Variants in GMDS observed in about 807,000 individuals in gnomAD.
GMDS encodes GDP-mannose 4,6-dehydratase.
GMDS carries 20 observed loss-of-function variants against 49.9 expected under a neutral mutation model. The observed-to-expected ratio is 0.40, with a 90% CI of 0.28 to 0.58. The LOEUF (loss-of-function observed/expected upper bound fraction) is 0.58. Among genes scored for constraint, GMDS ranks in the 20% least tolerant of loss-of-function variants. The probability of loss-of-function intolerance (pLI) is 0.42; values close to 1 mark genes in which losing one functional copy is unlikely to be tolerated. For synonymous variants in GMDS, 177 were observed against 178.6 expected (o/e 0.99, Z 0.07); for missense variants, 362 against 481.4 (o/e 0.75, Z 2.32).
chr6:1,845,302 T>C (rs1003038004), intron 7 of GMDS, among the ~76,000 whole-genome samples: 4 of 152,336 alleles, frequency 2.6e-5, no homozygotes, highest in Non-Finnish European at 5.9e-5. Context: ...TCATAGTTTA[T>C]TATCCCATAT....
chr6:1,956,775 A>G (rs1397414872), intron 6 of GMDS, among the ~76,000 whole-genome samples: 1 of 152,184 alleles, frequency 6.6e-6, no homozygotes. Context: ...CTGTTTATTA[A>G]TGTATATCAG....
chr6:1,679,365 G>A (rs1393197693), intron 9 of GMDS: 1 of 152,214 alleles, frequency 6.6e-6, no homozygotes, highest in Admixed American at 6.5e-5. Flanking sequence ...CCAGGACAAT[G>A]ACTATATTTA....
intron 7 of GMDS, among the ~76,000 whole-genome samples, chr6:1,876,015 C>CAAA (rs112121475): frequency 2.3e-5 from 3 of 129,260 alleles, no homozygotes; most frequent in Non-Finnish European, 3.2e-5. Flanking sequence ...AGCACTATCT[C>CAAA]AAAAAAAAAA....
intron 9 of GMDS, among the ~76,000 whole-genome samples, chr6:1,694,896 A>G (rs1765286803): frequency 6.6e-6 from 1 of 152,216 alleles, no homozygotes; most frequent in Middle Eastern, 3.2e-3. Context: ...TAAGACCCAG[A>G]GCCAACCCTG....
intron 9 of GMDS, 191 bp from the exon 10 acceptor site, chr6:1,624,731 G>T: frequency 1.9e-6 from 1 of 522,414 alleles, no homozygotes; most frequent in South Asian, 2.0e-5. Context: ...TCGCGGTTAA[G>T]AATGTGCTGT....
At chr6:1,970,442 T>C (rs573424097) in intron 4 of GMDS, among the ~76,000 whole-genome samples, 2 of 152,122 alleles carry the variant, frequency 1.3e-5, no homozygotes, top group African/African-American at 4.8e-5. Context: ...CAGAGCTGGA[T>C]AGGAGTCAGG....
chr6:2,227,078 G>GT (rs1232304362), intron 1 of GMDS, among the ~76,000 whole-genome samples: 1 of 151,830 alleles, frequency 6.6e-6, no homozygotes, highest in African/African-American at 2.4e-5. Context: ...TGCGGGTGTT[G>GT]TTTTTTTTCC....
Position 2,064,774 on chromosome 6 carries a change from T to C in GMDS, c.345+50997A>G, listed in dbSNP as rs144167500. Among the ~76,000 whole-genome samples, 616 of 152,244 alleles carry C rather than the reference T, an allele frequency of 4.0e-3. 8 individuals carry two copies. Among genetic ancestry groups the C allele is most frequent in the African/African-American group, 0.014 (585 of 41,526 alleles). On this transcript the variant is annotated intron_variant, in intron 4 of 10. Transcript: ENST00000380815. Reference sequence around the variant, plus strand: ...GCCCTTTTCAGAAAACCTAGGCTGATTTCGTATGAGCTGATTCTTTGGGGA... The same window carrying C: ...GCCCTTTTCAGAAAACCTAGGCTGACTTCGTATGAGCTGATTCTTTGGGGA...
At chr6:1,821,955 A>T (rs1315766093) in intron 7 of GMDS, among the ~76,000 whole-genome samples, 1 of 152,166 alleles carries the variant, frequency 6.6e-6, no homozygotes, top group Non-Finnish European at 1.5e-5. Context: ...CCAGGGTTAA[A>T]GGCTGGGTCA....
intron 7 of GMDS, among the ~76,000 whole-genome samples, chr6:1,913,912 A>G (rs1435422012): frequency 6.6e-6 from 1 of 152,214 alleles, no homozygotes; most frequent in African/African-American, 2.4e-5. Context: ...AGGCAAGCTT[A>G]AGTTTGCATT....
intron 9 of GMDS, among the ~76,000 whole-genome samples, chr6:1,654,493 G>C (rs1162357469): frequency 6.6e-6 from 1 of 152,194 alleles, no homozygotes; most frequent in African/African-American, 2.4e-5. Context: ...TATGCTGTAA[G>C]TGAAATAAGC....
Position 1,753,816 on chromosome 6 carries a change from A to G in GMDS, c.772-11230T>C, listed in dbSNP as rs142937493. ...AATAACAAAATTAGGGCAGAACTAA[A>G]TAAGTTATTTGAAACCAACAAGAAC... On this transcript the variant is annotated intron_variant, in intron 7 of 10. Transcript: ENST00000380815. Among the ~76,000 whole-genome samples, 812 of 152,330 alleles carry G rather than the reference A, an allele frequency of 5.3e-3. 5 individuals are homozygous for G. Among genetic ancestry groups the G allele is most frequent in the African/African-American group, 0.018 (762 of 41,574 alleles).
intron 7 of GMDS, among the ~76,000 whole-genome samples, chr6:1,881,994 T>A (rs981076819): frequency 2.6e-5 from 4 of 152,220 alleles, no homozygotes; most frequent in Non-Finnish European, 4.4e-5. Flanking sequence ...ATGTCACCAA[T>A]TCTTGGTCCA....
intron 4 of GMDS, among the ~76,000 whole-genome samples, chr6:2,018,837 T>C (rs1334985173): frequency 6.6e-6 from 1 of 152,074 alleles, no homozygotes; most frequent in Admixed American, 6.6e-5. Flanking sequence ...TTTAATTTCT[T>C]TGGGGTATAT....
At chr6:1,871,275 T>C (rs114747262) in intron 7 of GMDS, among the ~76,000 whole-genome samples, 128 of 152,276 alleles carry the variant, frequency 8.4e-4, no homozygotes, top group African/African-American at 2.9e-3. Flanking sequence ...GTCTCAGTGA[T>C]AATGTGCAAG....
At chr6:1,921,852 G>A (rs910045622) in intron 7 of GMDS, among the ~76,000 whole-genome samples, 4 of 152,168 alleles carry the variant, frequency 2.6e-5, no homozygotes, top group African/African-American at 9.7e-5. Flanking sequence ...TTCAAAGAGA[G>A]TATATTAAAT....
intron 1 of GMDS, among the ~76,000 whole-genome samples, chr6:2,210,230 C>G (rs1006681571): frequency 5.9e-5 from 9 of 152,176 alleles, no homozygotes; most frequent in African/African-American, 1.4e-4. Context: ...CCCAGGTCCA[C>G]CACACAAGGC....
At chr6:2,199,734 T>TTA (rs1377193974) in intron 1 of GMDS, among the ~76,000 whole-genome samples, 1 of 152,236 alleles carries the variant, frequency 6.6e-6, no homozygotes, top group African/African-American at 2.4e-5. Flanking sequence ...TTTGTTGAAA[T>TTA]TATTAGTATC....
chr6:2,206,030 G>A (rs568902578), intron 1 of GMDS, among the ~76,000 whole-genome samples: 18 of 152,190 alleles, frequency 1.2e-4, no homozygotes, highest in African/African-American at 3.1e-4. Flanking sequence ...AGGCCAAGGC[G>A]GGCAGATCAC....
Sources: gnomAD v4.1 joint callset for allele counts (sites outside exome capture counted in the v4.1 genomes callset) on GRCh38, gnomAD v4.1.1 for gene constraint, MANE v1.5 for transcripts, NCBI Gene and HGNC (gene_info 2026-07-23, HGNC 2026-07-21) for gene names.